IQGAP3: variants seen among roughly 807,000 people sequenced by gnomAD.
IQGAP3 encodes the protein ras GTPase-activating-like protein IQGAP3.
Under a neutral mutation model 208.2 loss-of-function variants are expected in IQGAP3, and 165 were observed. The observed-to-expected ratio is 0.79, with a 90% CI of 0.70 to 0.90. The LOEUF is 0.90. IQGAP3 is among the 40% of genes least tolerant of loss of function. The pLI, the probability that IQGAP3 is intolerant of heterozygous loss-of-function variation, is 0.00. For synonymous variants in IQGAP3, 703 were observed against 803.6 expected, an observed-to-expected ratio of 0.87 and a Z score of 2.12; for missense variants, 1,811 against 2,043.1, an observed-to-expected ratio of 0.89 and a Z score of 2.19.
intron 34 of IQGAP3, 57 bp from the exon 35 acceptor site, chr1:156,529,139 G>C: frequency 6.3e-7 from 1 of 1,582,620 alleles, no homozygotes; most frequent in Non-Finnish European, 8.7e-7. Context: ...GAGAGCCTTA[G>C]GGCCTGACAC....
chr1:156,531,139 T>A, intron 33 of IQGAP3, 21 bp downstream of exon 33: 2 of 1,570,434 alleles, frequency 1.3e-6, no homozygotes, highest in Non-Finnish European at 1.8e-6. Context: ...ACAGAACCTG[T>A]GGGCCAGCCC....
At chr1:156,569,709 C>T (rs919788455) in intron 1 of IQGAP3, among the ~76,000 whole-genome samples, 1 of 151,912 alleles carries the variant, frequency 6.6e-6, no homozygotes, top group African/African-American at 2.4e-5. Context: ...TTAGTAGAGA[C>T]AGGGTTTCAC....
In IQGAP3 at chr1:156,556,590, G is replaced by A; in HGVS notation, c.1233C>T (p.Tyr411=). ...GCTGGTACATAGACGATGCAACAGGGTACACTGGAGGCAGCTGGGCCTCAG... is the reference window on the plus strand; with the variant it reads ...GCTGGTACATAGACGATGCAACAGGATACACTGGAGGCAGCTGGGCCTCAG... ...MCPEAQLPPV[Y]PVASSMYQLE... is the part of the protein sequence containing the mutation. The change falls in exon 12 of 38, where the codon TAC becomes TAT. Residue 411 remains tyrosine, a synonymous_variant. Coordinates refer to ENST00000361170, the MANE Select transcript of IQGAP3 (RefSeq NM_178229.5). 1 of 1,613,602 alleles carries A rather than the reference G, an allele frequency of 6.2e-7. No individual in the cohort carries two copies. Among genetic ancestry groups the A allele is most frequent in the South Asian group, 1.1e-5 (1 of 91,068 alleles).
chr1:156,540,581 G>A (rs2102382731), intron 23 of IQGAP3, 127 bp downstream of exon 23: 1 of 751,640 alleles, frequency 1.3e-6, no homozygotes, highest in Admixed American at 2.4e-5. Context: ...ACTGGAACAA[G>A]GACCTGAGTC....
rs141755583 is a variant in IQGAP3 at position 156,544,195 on chromosome 1, G to A, written c.2417C>T (p.Ala806Val). The change falls in exon 21 of 38, where the codon GCT (alanine) becomes GTT (valine). Residue 806 changes from alanine to valine, a missense_variant. Ala to Val is a moderately conservative substitution (Grantham distance 64). Transcript: ENST00000361170. ...CAGACGCCTCAGGTATTGCCTCCGA[G>A]CTGCCCACATCCGGGCCCAGGCCTG... ...KIQAWARMWA[A>V]RRQYLRRLHY... 4 of 1,614,064 alleles carry A rather than the reference G, an allele frequency of 2.5e-6. No homozygotes were observed. The African/African-American group carries it at 4.0e-5, about 16-fold the overall frequency.
At chr1:156,530,669 G>C (rs1674349914) in intron 33 of IQGAP3, among the ~76,000 whole-genome samples, 1 of 152,196 alleles carries the variant, frequency 6.6e-6, no homozygotes, top group Admixed American at 6.5e-5. Flanking sequence ...GACGGCACAG[G>C]ATGTTTGGGG....
At chr1:156,553,645 G>A (rs935285614) in intron 13 of IQGAP3, among the ~76,000 whole-genome samples, 2 of 143,100 alleles carry the variant, frequency 1.4e-5, no homozygotes, top group African/African-American at 2.6e-5. Flanking sequence ...GCAATGGTGC[G>A]ATCTCGGCTC....
intron 22 of IQGAP3, among the ~76,000 whole-genome samples, chr1:156,543,652 G>A (rs1469225728): frequency 1.3e-5 from 2 of 152,192 alleles, no homozygotes; most frequent in African/African-American, 2.4e-5. Flanking sequence ...TGTTTGTGCT[G>A]GGCCACAGAG....
At chr1:156,562,946 T>G (rs1276834726) in intron 8 of IQGAP3, among the ~76,000 whole-genome samples, 188 bp downstream of exon 8, 1 of 152,232 alleles carries the variant, frequency 6.6e-6, no homozygotes, top group African/African-American at 2.4e-5. Flanking sequence ...TCTTCTCCAG[T>G]CTTCTCTTCG....
At chr1:156,568,342 G>A (rs1007808806) in intron 2 of IQGAP3, among the ~76,000 whole-genome samples, 1 of 152,044 alleles carries the variant, frequency 6.6e-6, no homozygotes, top group Admixed American at 6.5e-5. Context: ...AGCCTCCTGA[G>A]TAGCTGGGAT....
At chr1:156,532,950 T>C in intron 32 of IQGAP3, 30 bp downstream of exon 32, 1 of 1,613,220 alleles carries the variant, frequency 6.2e-7, no homozygotes, top group Non-Finnish European at 8.5e-7. Flanking sequence ...GGAGCTCAGG[T>C]ATGCAGGGGC....
At chr1:156,534,945 C>T (rs947360951) in intron 28 of IQGAP3, among the ~76,000 whole-genome samples, 2 of 152,236 alleles carry the variant, frequency 1.3e-5, no homozygotes, top group Non-Finnish European at 2.9e-5. Context: ...TGACAAGAAG[C>T]CAGTGTTGCC....
chr1:156,555,106 T>C (rs757912079), intron 12 of IQGAP3, among the ~76,000 whole-genome samples: 4 of 152,096 alleles, frequency 2.6e-5, no homozygotes, highest in Non-Finnish European at 5.9e-5. Flanking sequence ...GAGATGAAGA[T>C]GGAGTGGTCG....
Position 156,554,326 on chromosome 1 carries a change from C to G in IQGAP3, c.1357G>C (p.Ala453Pro). ...CCACTGGCATCCCGGGCCTCCAGGG[C>G]CCGGTTAATCAGGACCACAGCTGAG... ...MLSAVVLINRALEARDASGFW... is the reference protein window; with the variant it reads ...MLSAVVLINRPLEARDASGFW... Residue 453 changes from alanine to proline, a missense_variant, in exon 13 of 38, where the codon GCC (alanine) becomes CCC (proline). By Grantham distance (27) the Ala-to-Pro change is conservative. Transcript: ENST00000361170. 1 of 1,614,114 alleles carries G rather than the reference C, an allele frequency of 6.2e-7. No homozygotes were observed. Among genetic ancestry groups the G allele is most frequent in the Non-Finnish European group, 8.5e-7 (1 of 1,179,984 alleles).
At chr1:156,570,518 G>A (rs1676600867) in intron 1 of IQGAP3, among the ~76,000 whole-genome samples, 1 of 152,178 alleles carries the variant, frequency 6.6e-6, no homozygotes. Flanking sequence ...AGAGATATTG[G>A]TGGGTTTGTT....
Position 156,550,332 on chromosome 1 carries a change from G to A in IQGAP3, c.1754C>T (p.Ala585Val). The A allele has an allele frequency of 1.2e-6, 2 of 1,613,740 alleles. No homozygotes were observed. Among genetic ancestry groups the A allele is most frequent in the South Asian group, 2.2e-5 (2 of 91,064 alleles). ...GCGGATCTCCTCAAGCCACAGCACA[G>A]CTCCAGGATCCCCTGTCACCTGGCA... is the stretch of plus-strand genomic sequence containing the variant. Reference protein sequence around the residue: ...QKAQVTGDPGAVLWLEEIRQG... With the variant: ...QKAQVTGDPGVVLWLEEIRQG... The change falls in exon 16 of 38, where the codon GCT (alanine) becomes GTT (valine). Residue 585 changes from alanine to valine, a missense_variant. Transcript: ENST00000361170.
At chr1:156,562,402 C>G (rs2102436222) in intron 9 of IQGAP3, among the ~76,000 whole-genome samples, 185 bp downstream of exon 9, 1 of 152,250 alleles carries the variant, frequency 6.6e-6, no homozygotes, top group East Asian at 1.9e-4. Flanking sequence ...TGGACTACTT[C>G]TCTAGACACC....
chr1:156,564,724 G>C, intron 4 of IQGAP3, 33 bp from the exon 5 acceptor site: 1 of 1,524,754 alleles, frequency 6.6e-7, no homozygotes, highest in Middle Eastern at 1.9e-4. Context: ...ACTGCCATTG[G>C]GAACCTTTAA....
rs1006161451 is a variant in IQGAP3 at position 156,550,871 on chromosome 1, A to G, written c.1735-520T>C. Among the ~76,000 whole-genome samples the G allele has an allele frequency of 2.6e-5, 4 of 152,220 alleles. 1 individual carries two copies. The stretch of plus-strand genomic sequence containing the variant: ...GAAGATTACATGAGCCCACAGGTCA[A>G]GTAAGCCTATGCCTGCCACACTGTC... On this transcript the variant is annotated intron_variant, in intron 15 of 37. Transcript: ENST00000361170.
Sources: allele counts gnomAD v4.1 joint callset (sites outside exome capture counted in the v4.1 genomes callset), GRCh38; gene constraint gnomAD v4.1.1; transcripts MANE v1.5; gene names NCBI Gene and HGNC (gene_info 2026-07-23, HGNC 2026-07-21).